The following SORCS3 variants were observed in gnomAD, a reference collection of about 807,000 sequenced individuals.
The protein encoded by SORCS3 is sortilin related VPS10 domain containing receptor 3.
In SORCS3, 57 loss-of-function variants were observed where a neutral mutation model predicts 146.3. The ratio of observed to expected loss-of-function variants is 0.39; its 90% CI spans 0.31 to 0.49. The LOEUF (loss-of-function observed/expected upper bound fraction) is 0.49, where lower values mean the gene tolerates loss of function less well. Ranked by LOEUF, SORCS3 falls within the 20% of genes least tolerant of loss-of-function variation. The probability of loss-of-function intolerance (pLI) is 0.92; values close to 1 mark genes in which losing one functional copy is unlikely to be tolerated. For synonymous variants in SORCS3, 653 were observed against 618.5 expected (o/e 1.06, Z -0.83); for missense variants, 1,341 against 1,575.5 (o/e 0.85, Z 2.52).
intron 3 of SORCS3, among the ~76,000 whole-genome samples, chr10:104,976,798 C>G (rs1429350033): frequency 6.6e-6 from 1 of 152,018 alleles, no homozygotes; most frequent in Non-Finnish European, 1.5e-5. Flanking sequence ...TCTCAGTGAA[C>G]TATTGCAAGA....
At chr10:105,227,091 C>G (rs1022678786) in intron 20 of SORCS3, among the ~76,000 whole-genome samples, 33 of 151,782 alleles carry the variant, frequency 2.2e-4, no homozygotes, top group African/African-American at 7.7e-4. Flanking sequence ...TTATCTTCTA[C>G]TAATTTGGGG....
intron 2 of SORCS3, among the ~76,000 whole-genome samples, chr10:104,858,953 A>AAAC (rs5787554): frequency 3.6e-5 from 5 of 138,730 alleles, no homozygotes; most frequent in African/African-American, 1.3e-4. Flanking sequence ...AAAAAAAAAA[A>AAAC]CAACAAAAAA....
intron 1 of SORCS3, among the ~76,000 whole-genome samples, chr10:104,827,966 G>A (rs1251016007): frequency 6.6e-6 from 1 of 152,170 alleles, no homozygotes; most frequent in Non-Finnish European, 1.5e-5. Context: ...TAGACTTCAT[G>A]GAACTGAAGA....
chr10:104,871,365 G>A (rs1341185405), intron 2 of SORCS3, among the ~76,000 whole-genome samples: 1 of 152,204 alleles, frequency 6.6e-6, no homozygotes, highest in Non-Finnish European at 1.5e-5. Context: ...TAAACTAGGA[G>A]TGCAAACCAA....
intron 8 of SORCS3, among the ~76,000 whole-genome samples, chr10:105,143,454 C>T (rs1483720564): frequency 6.6e-6 from 1 of 152,088 alleles, no homozygotes; most frequent in African/African-American, 2.4e-5. Context: ...TGATGTAGAT[C>T]CTCTTAAAGA....
chr10:105,238,429 A>C lies in SORCS3; in HGVS notation c.2869-7113A>C, dbSNP rs141282363. ...TGCAGACATTGTTGATCATGGAGTGAGTGAGTCATATACAAAGTTGAGCCT... is the reference window on the plus strand; with the variant it reads ...TGCAGACATTGTTGATCATGGAGTGCGTGAGTCATATACAAAGTTGAGCCT... On this transcript the variant is annotated intron_variant, in intron 20 of 26. Transcript: ENST00000369701. 3.1e-4 allele frequency among the ~76,000 whole-genome samples: 47 copies of C among 152,282 alleles called. 1 individual carries two copies. The highest frequency in any genetic ancestry group is 1.1e-3 in the African/African-American group (44 of 41,552).
intron 1 of SORCS3, among the ~76,000 whole-genome samples, chr10:104,711,556 C>G (rs1014369836): frequency 2.0e-5 from 3 of 152,202 alleles, no homozygotes; most frequent in Admixed American, 2.0e-4. Flanking sequence ...GTTAAGCTAC[C>G]CTTCCTAGCA....
intron 20 of SORCS3, among the ~76,000 whole-genome samples, chr10:105,225,543 A>G (rs1245704307): frequency 6.6e-6 from 1 of 151,792 alleles, no homozygotes; most frequent in Non-Finnish European, 1.5e-5. Flanking sequence ...TTCTCCTTCA[A>G]TTTTATGTTG....
intron 14 of SORCS3, among the ~76,000 whole-genome samples, chr10:105,194,247 C>T (rs752356976): frequency 5.3e-5 from 8 of 152,040 alleles, no homozygotes; most frequent in East Asian, 3.9e-4. Flanking sequence ...GAAGTTAGTA[C>T]GTACCTTGAT....
intron 1 of SORCS3, among the ~76,000 whole-genome samples, chr10:104,715,963 G>A (rs993413371): frequency 1.3e-5 from 2 of 152,118 alleles, no homozygotes; most frequent in Non-Finnish European, 2.9e-5. Flanking sequence ...CTTCTCCCGT[G>A]CTGCTCTCAC....
intron 4 of SORCS3, among the ~76,000 whole-genome samples, chr10:105,026,200 C>G (rs2055229504): frequency 6.6e-6 from 1 of 152,102 alleles, no homozygotes; most frequent in South Asian, 2.1e-4. Flanking sequence ...GTGTTACCTC[C>G]AGAATATTTT....
chr10:104,948,050 C>G lies in SORCS3; in HGVS notation c.796-29285C>G, dbSNP rs184209844. On this transcript the variant is annotated intron_variant, in intron 3 of 26. Transcript: ENST00000369701. ...TCCTTATAAGTTGACTGGCAACAGGCTAAGAGTCGTTTTGGGATTGAGGAA... is the reference window on the plus strand; with the variant it reads ...TCCTTATAAGTTGACTGGCAACAGGGTAAGAGTCGTTTTGGGATTGAGGAA... Among the ~76,000 whole-genome samples the G allele has an allele frequency of 2.2e-3, 331 of 152,318 alleles. 1 individual carries two copies. The highest frequency in any genetic ancestry group is 1.7e-3 in the Non-Finnish European group (115 of 68,032).
chr10:104,940,222 ATATATATATATATATATTTTT>A (rs1360518068), intron 3 of SORCS3, among the ~76,000 whole-genome samples: 5 of 17,020 alleles, frequency 2.9e-4, no homozygotes, highest in African/African-American at 1.5e-3. Context: ...ATATATATAT[ATATATATATATATATATTTTT>A]TTTTTTTTTT....
At chr10:105,083,649 C>T (rs1008338303) in intron 5 of SORCS3, among the ~76,000 whole-genome samples, 8 of 152,102 alleles carry the variant, frequency 5.3e-5, no homozygotes, top group African/African-American at 1.7e-4. Context: ...CTTAAGGTTT[C>T]TTTGCAAAAA....
chr10:104,642,282 T>C (rs926833081), intron 1 of SORCS3, among the ~76,000 whole-genome samples: 26 of 152,118 alleles, frequency 1.7e-4, no homozygotes, highest in African/African-American at 5.1e-4. Context: ...TTTTCCTGTT[T>C]GCGGGGTGCT....
At chr10:105,145,396 G>A (rs2119461611) in intron 8 of SORCS3, among the ~76,000 whole-genome samples, 1 of 151,894 alleles carries the variant, frequency 6.6e-6, no homozygotes, top group South Asian at 2.1e-4. Flanking sequence ...CACAGCCCCG[G>A]GAAAGCATTA....
intron 13 of SORCS3, among the ~76,000 whole-genome samples, chr10:105,167,828 C>T (rs1200481529): frequency 6.6e-6 from 1 of 152,110 alleles, no homozygotes; most frequent in African/African-American, 2.4e-5. Flanking sequence ...AAGTCATTAA[C>T]CACTAGGTGG....
chr10:104,969,601 T>C (rs935744373), intron 3 of SORCS3, among the ~76,000 whole-genome samples: 10 of 152,146 alleles, frequency 6.6e-5, no homozygotes, highest in Non-Finnish European at 1.5e-4. Flanking sequence ...ACACTACCAG[T>C]GATATCAAAG....
At chr10:104,761,787 C>G (rs927291447) in intron 1 of SORCS3, among the ~76,000 whole-genome samples, 2 of 152,040 alleles carry the variant, frequency 1.3e-5, no homozygotes, top group African/African-American at 4.8e-5. Flanking sequence ...TTAGGTACTG[C>G]CTGTAAAGCG....
Sources: allele counts gnomAD v4.1 joint callset (sites outside exome capture counted in the v4.1 genomes callset), GRCh38; gene constraint gnomAD v4.1.1; transcripts MANE v1.5; gene names NCBI Gene and HGNC (gene_info 2026-07-23, HGNC 2026-07-21).